NR3C2: variants seen among roughly 807,000 people sequenced by gnomAD.
NR3C2 encodes the protein nuclear receptor subfamily 3 group C member 2, also known as mineralocorticoid receptor.
A neutral mutation model predicts 86.4 loss-of-function variants in NR3C2; 15 were observed. The observed-to-expected ratio is 0.17, with a 90% confidence interval of 0.12 to 0.27. The LOEUF (loss-of-function observed/expected upper bound fraction) is 0.27. Among genes scored for constraint, NR3C2 ranks in the 10% least tolerant of loss-of-function variants. The probability of loss-of-function intolerance (pLI) is 1.00; values close to 1 mark genes in which losing one functional copy is unlikely to be tolerated. For synonymous variants in NR3C2, 458 were observed against 450.5 expected, an observed-to-expected ratio of 1.02 and a Z score of -0.21; for missense variants, 960 against 1,195.6, an observed-to-expected ratio of 0.80 and a Z score of 2.91.
intron 2 of NR3C2, among the ~76,000 whole-genome samples, chr4:148,382,456 C>T (rs2126451409): frequency 1.3e-5 from 2 of 152,234 alleles, no homozygotes; most frequent in Admixed American, 1.3e-4. Flanking sequence ...TGTACTTGTC[C>T]AAGCTCACAA....
intron 6 of NR3C2, among the ~76,000 whole-genome samples, 163 bp from the exon 7 acceptor site, chr4:148,120,451 T>C (rs1732463845): frequency 6.6e-6 from 1 of 152,246 alleles, no homozygotes; most frequent in Admixed American, 6.5e-5. Context: ...CTTTTCATAG[T>C]GACTGGTAAA....
Position 148,436,529 on chromosome 4 carries a change from G to A in NR3C2, c.332C>T (p.Ser111Phe). Residue 111 changes from serine to phenylalanine, a missense_variant, in exon 2 of 9, where the codon TCT becomes TTT. Physicochemically the swap from Ser to Phe is radical, Grantham distance 155. Coordinates refer to ENST00000358102, the MANE Select transcript of NR3C2 (RefSeq NM_000901.5). ...ATAGGAATAGTCAGCATCTCTTACA[G>A]AATCCATATATAAACCCATGGACTC... ...VAESMGLYMDSVRDADYSYEQ... is the reference protein window; with the variant it reads ...VAESMGLYMDFVRDADYSYEQ... The A allele has an allele frequency of 6.2e-7, 1 of 1,614,168 alleles. No homozygotes were observed. Among genetic ancestry groups the A allele is most frequent in the Non-Finnish European group, 8.5e-7 (1 of 1,180,032 alleles).
rs72656855 is a variant in NR3C2, at chr4:148,356,356, A to G, written c.1757+78748T>C. Among the ~76,000 whole-genome samples, 315 of 152,354 alleles carry G rather than the reference A, an allele frequency of 2.1e-3. 2 individuals are homozygous for G. The highest frequency in any genetic ancestry group is 6.7e-3 in the African/African-American group (278 of 41,592). On this transcript the variant is annotated intron_variant, in intron 2 of 8. Coordinates refer to ENST00000358102, the MANE Select transcript of NR3C2 (RefSeq NM_000901.5). ...ATTCTGCGTGTGCCTCTACATGCAC[A>G]TTATATAAATTGGAAGAAAACTATA...
intron 3 of NR3C2, among the ~76,000 whole-genome samples, chr4:148,245,168 G>A (rs963580942): frequency 9.9e-5 from 15 of 152,162 alleles, no homozygotes; most frequent in Admixed American, 9.8e-4. Context: ...CACATGTCCA[G>A]TCTGACAAGT....
chr4:148,259,461 A>C (rs202105949), intron 3 of NR3C2, among the ~76,000 whole-genome samples: 25,403 of 152,180 alleles, frequency 0.17, 2,319 homozygotes, highest in Admixed American at 0.21. Flanking sequence ...CAAAATTTGG[A>C]AACTTTCAGG....
chr4:148,206,514 C>A (rs1031856515), intron 3 of NR3C2, among the ~76,000 whole-genome samples: 4 of 152,170 alleles, frequency 2.6e-5, no homozygotes, highest in Non-Finnish European at 4.4e-5. Context: ...TGCCAGTTTC[C>A]CCTTTATCCC....
chr4:148,309,300 G>C (rs749000655), intron 2 of NR3C2, among the ~76,000 whole-genome samples: 4 of 152,056 alleles, frequency 2.6e-5, no homozygotes, highest in Non-Finnish European at 5.9e-5. Flanking sequence ...TAAAACTAAA[G>C]TTATTTAATA....
At chr4:148,408,123 A>C (rs145996027) in intron 2 of NR3C2, among the ~76,000 whole-genome samples, 226 of 152,318 alleles carry the variant, frequency 1.5e-3, no homozygotes, top group African/African-American at 5.1e-3. Flanking sequence ...CCTTAGCTAC[A>C]AAATAAAAAG....
At chr4:148,269,938 T>C (rs932936299) in intron 2 of NR3C2, among the ~76,000 whole-genome samples, 5 of 152,194 alleles carry the variant, frequency 3.3e-5, no homozygotes, top group African/African-American at 4.8e-5. Flanking sequence ...TAATGTAACT[T>C]TTCCCCCTTT....
chr4:148,444,220 G>C (rs909643809), upstream of NR3C2: 14 of 956,508 alleles, frequency 1.5e-5, no homozygotes, highest in Non-Finnish European at 1.7e-5. Flanking sequence ...TTAAAGGAAT[G>C]GACGTGTCTC....
chr4:148,363,504 C>CTTTTTTTTTTTTTTTTTGTTTTT (rs1375693723), intron 2 of NR3C2, among the ~76,000 whole-genome samples: 1 of 69,880 alleles, frequency 1.4e-5, no homozygotes, highest in Non-Finnish European at 2.5e-5. Context: ...TCTCATAGAT[C>CTTTTTTTTTTTTTTTTTGTTTTT]TCTTTTTTTT....
intron 6 of NR3C2, 53 bp downstream of exon 6, chr4:148,152,416 A>C (rs975825425): frequency 6.4e-7 from 1 of 1,569,628 alleles, no homozygotes; most frequent in Non-Finnish European, 8.8e-7. Flanking sequence ...GAAAGAAATC[A>C]TAACGCATAA....
chr4:148,221,008 C>T (rs1262360722), intron 3 of NR3C2, among the ~76,000 whole-genome samples: 1 of 152,196 alleles, frequency 6.6e-6, no homozygotes, highest in Non-Finnish European at 1.5e-5. Context: ...AAGAAGCTAG[C>T]AACTGAAACA....
At chr4:148,130,791 T>A (rs1411027566) in intron 6 of NR3C2, among the ~76,000 whole-genome samples, 1 of 122,368 alleles carries the variant, frequency 8.2e-6, no homozygotes, top group African/African-American at 3.1e-5. Flanking sequence ...GAACACGTTT[T>A]TTTTTTTGTT....
intron 2 of NR3C2, among the ~76,000 whole-genome samples, chr4:148,346,348 G>C (rs10857232): frequency 0.31 from 46,386 of 151,894 alleles, 7,878 homozygotes; most frequent in African/African-American, 0.45. Flanking sequence ...CAATGATGGG[G>C]AACAGCGAAC....
intron 3 of NR3C2, among the ~76,000 whole-genome samples, chr4:148,222,594 A>C (rs1367259454): frequency 6.6e-6 from 1 of 152,250 alleles, no homozygotes; most frequent in Non-Finnish European, 1.5e-5. Context: ...ATTATTAACA[A>C]CTGAATTGCT....
intron 2 of NR3C2, among the ~76,000 whole-genome samples, chr4:148,265,036 A>G (rs989578184): frequency 6.6e-6 from 1 of 152,204 alleles, no homozygotes; most frequent in Admixed American, 6.5e-5. Flanking sequence ...TTTGGGGGTT[A>G]ATAATCAAAG....
chr4:148,168,650 G>A (rs1381320029), intron 4 of NR3C2, among the ~76,000 whole-genome samples: 4 of 152,028 alleles, frequency 2.6e-5, no homozygotes, highest in Admixed American at 2.6e-4. Flanking sequence ...ATGAGGGGAA[G>A]GCTAAAAACC....
rs75211737 is a variant in NR3C2, at chr4:148,360,977, A to G, written c.1757+74127T>C. ...GACTGCCTCCTCAGGATGCCACCCA[A>G]GGCCCCTTGCAACATAAACACCCTG... On this transcript the variant is annotated intron_variant, in intron 2 of 8. Coordinates refer to ENST00000358102, the MANE Select transcript of NR3C2 (RefSeq NM_000901.5). 7.4e-4 allele frequency among the ~76,000 whole-genome samples: 112 copies of G among 152,280 alleles called. 3 individuals carry two copies. The East Asian group carries it at 0.019, about 25-fold the overall frequency.
Sources: gnomAD v4.1 joint callset for allele counts (sites outside exome capture counted in the v4.1 genomes callset) on GRCh38, gnomAD v4.1.1 for gene constraint, MANE v1.5 for transcripts, NCBI Gene and HGNC (gene_info 2026-07-23, HGNC 2026-07-21) for gene names.